CSPP1: variants seen among roughly 807,000 people sequenced by gnomAD.
CSPP1 encodes centrosome and spindle pole-associated protein 1.
A neutral mutation model predicts 164.4 loss-of-function variants in CSPP1; 126 were observed. The ratio of observed to expected loss-of-function variants is 0.77; its 90% confidence interval spans 0.66 to 0.89. The LOEUF (loss-of-function observed/expected upper bound fraction) is 0.89. Ranked by LOEUF, CSPP1 falls within the 40% of genes least tolerant of loss-of-function variation. CSPP1 has a pLI of 0.00. For missense variants in CSPP1, 1,395 were observed against 1,449.8 expected, an observed-to-expected ratio of 0.96 and a Z score of 0.61; for synonymous variants, 472 against 476.7, an observed-to-expected ratio of 0.99 and a Z score of 0.13.
At position 67,091,866 on chromosome 8, in the gene CSPP1, GA is replaced by G. The variant is rs1811679564; in HGVS notation, c.368del (p.Glu123GlyfsTer9). 3 of 1,344,764 alleles carry G rather than the reference GA, an allele frequency of 2.2e-6. No individual in the cohort carries two copies. Among genetic ancestry groups the G allele is most frequent in the East Asian group, 9.4e-5 (2 of 21,214 alleles). The allele number at this position is 1,344,764 out of a possible 1,614,324, so 83.3% of individuals were successfully genotyped here. A position where few individuals can be genotyped will look rare whatever the true frequency, so the allele number is the denominator to read the frequency against. On this transcript the variant is annotated frameshift_variant, in exon 5 of 31. Transcript: ENST00000678616. LOFTEE classifies it high-confidence loss of function. Reference sequence around the variant, plus strand: ...TTTGGGAGTTTCTCTTCCTATTGGTGAGAGGTTATCTGCTAAGGTAGGTGGA... The same window carrying G: ...TTTGGGAGTTTCTCTTCCTATTGGTGGAGGTTATCTGCTAAGGTAGGTGGA... Reference protein sequence around the residue: ...STLGVSLPIGERLSAKERLKL... With the variant: ...STLGVSLPIGXRLSAKERLKL...
intron 19 of CSPP1, among the ~76,000 whole-genome samples, chr8:67,155,789 G>A (rs1826556769): frequency 6.6e-6 from 1 of 152,130 alleles, no homozygotes; most frequent in Non-Finnish European, 1.5e-5. Context: ...AAGGATGATT[G>A]ATGTGACATC....
chr8:67,113,313 G>C (rs1817256915), intron 10 of CSPP1, among the ~76,000 whole-genome samples: 1 of 152,034 alleles, frequency 6.6e-6, no homozygotes, highest in African/African-American at 2.4e-5. Context: ...TTTGAGACCT[G>C]TTATCTCTTA....
chr8:67,160,767 A>G (rs562437572), intron 21 of CSPP1, among the ~76,000 whole-genome samples: 29 of 151,436 alleles, frequency 1.9e-4, no homozygotes, highest in Non-Finnish European at 4.1e-4. Context: ...GTTAGCTTCT[A>G]TCTTTAGTTT....
chr8:67,076,499 G>C lies in CSPP1; in HGVS notation c.117G>C (p.Lys39Asn). 6.3e-7 allele frequency: 1 copy of C among 1,587,742 alleles called. No homozygotes were observed. Among genetic ancestry groups the C allele is most frequent in the Non-Finnish European group, 8.5e-7 (1 of 1,170,068 alleles). The change falls in exon 3 of 31, where the codon AAG (lysine) becomes AAC (asparagine). Residue 39 changes from lysine to asparagine, a missense_variant. Coordinates refer to ENST00000678616, the MANE Select transcript of CSPP1 (RefSeq NM_001382391.1). ...YMEMKGKLSA[K>N]LSENSKILIS... ...TCTTTCAGGGAAAGTTGTCAGCGAA[G>C]CTTTCTGAAAACAGTAAGATACTGA...
intron 28 of CSPP1, among the ~76,000 whole-genome samples, chr8:67,184,444 CAG>C (rs1461085028): frequency 2.6e-5 from 4 of 152,078 alleles, no homozygotes; most frequent in Admixed American, 6.5e-5. Flanking sequence ...ATACCAGAAA[CAG>C]GGCATATCTA....
intron 14 of CSPP1, 23 bp downstream of exon 14, chr8:67,118,392 A>G (rs753453560): frequency 1.2e-5 from 19 of 1,611,938 alleles, no homozygotes; most frequent in Non-Finnish European, 1.6e-5. Context: ...TAGGGTAAGC[A>G]TTTTCTCCCC....
chr8:67,185,320 C>G (rs190785240), intron 28 of CSPP1, among the ~76,000 whole-genome samples: 1 of 152,064 alleles, frequency 6.6e-6, no homozygotes, highest in Non-Finnish European at 1.5e-5. Context: ...AACTAAAGGC[C>G]GACAAAGATT....
At chr8:67,104,151 A>G (rs1306155455) in intron 8 of CSPP1, among the ~76,000 whole-genome samples, 1 of 152,162 alleles carries the variant, frequency 6.6e-6, no homozygotes, top group Non-Finnish European at 1.5e-5. Context: ...TTTTTCTAAG[A>G]AAAGTAATAT....
intron 24 of CSPP1, among the ~76,000 whole-genome samples, chr8:67,171,663 T>G (rs1830489455): frequency 6.6e-6 from 1 of 150,994 alleles, no homozygotes; most frequent in Non-Finnish European, 1.5e-5. Flanking sequence ...TTCTCATGCC[T>G]CAGCCTCCCG....
intron 21 of CSPP1, among the ~76,000 whole-genome samples, chr8:67,159,955 TTC>T (rs1491413797): frequency 0.013 from 579 of 45,828 alleles, 32 homozygotes; most frequent in Middle Eastern, 0.042. Context: ...CCTTCCTTCC[TTC>T]TTTCTTTTCT....
rs78666696 is a variant in CSPP1, at chr8:67,065,092, G to A, written c.-11+554G>A. The A allele has an allele frequency of 3.9e-5, 6 of 154,134 alleles. No homozygotes were observed. In the East Asian group the frequency reaches 1.2e-3, roughly 30 times the overall value. 9.5% of individuals were successfully genotyped at this position (154,134 alleles called of 1,614,324 possible). On this transcript the variant is annotated intron_variant, in intron 1 of 30. Coordinates refer to ENST00000678616, the MANE Select transcript of CSPP1 (RefSeq NM_001382391.1). The stretch of plus-strand genomic sequence containing the variant: ...CCCCGAGCGCCTTTCTTGCCCCTCG[G>A]TGCTTGTTATTGTTAACGTGGGAGC...
At chr8:67,116,203 A>G (rs1817893722) in intron 13 of CSPP1, 81 bp downstream of exon 13, 1 of 980,350 alleles carries the variant, frequency 1.0e-6, no homozygotes, top group South Asian at 1.4e-5. Context: ...ACTGAAGCGG[A>G]TGACGTTATT....
At chr8:67,118,713 C>CTTTTTTTG (rs777492103) in intron 14 of CSPP1, 30 bp from the exon 15 acceptor site, 2 of 1,482,330 alleles carry the variant, frequency 1.3e-6, no homozygotes, top group Non-Finnish European at 9.3e-7. Flanking sequence ...TCTAAATAAA[C>CTTTTTTTG]TTTTTTTGTT....
intron 3 of CSPP1, among the ~76,000 whole-genome samples, chr8:67,083,531 C>CA (rs1171275894): frequency 0.067 from 4,814 of 71,670 alleles, 275 homozygotes; most frequent in East Asian, 0.085. Flanking sequence ...GACTTTGTCT[C>CA]AAAAAAAAAA....
chr8:67,176,269 G>A (rs1254800095), intron 26 of CSPP1, among the ~76,000 whole-genome samples: 1 of 152,126 alleles, frequency 6.6e-6, no homozygotes, highest in East Asian at 1.9e-4. Context: ...AAGAGTGGAA[G>A]GGATGCTCCT....
At chr8:67,082,839 A>G (rs1157259704) in intron 3 of CSPP1, among the ~76,000 whole-genome samples, 3 of 152,224 alleles carry the variant, frequency 2.0e-5, no homozygotes, top group African/African-American at 7.2e-5. Context: ...ATGAAGTGAC[A>G]TCACTTCAAA....
intron 9 of CSPP1, among the ~76,000 whole-genome samples, chr8:67,106,271 A>G (rs961768127): frequency 1.3e-5 from 2 of 151,934 alleles, no homozygotes; most frequent in African/African-American, 4.8e-5. Context: ...GTAGGTGATA[A>G]TGAAATTATT....
chr8:67,150,002 G>A, intron 18 of CSPP1, 67 bp downstream of exon 18: 1 of 1,278,710 alleles, frequency 7.8e-7, no homozygotes, highest in Non-Finnish European at 9.9e-7. Context: ...TAACATTTCT[G>A]TTCTGTGACT....
intron 17 of CSPP1, among the ~76,000 whole-genome samples, chr8:67,139,646 T>C (rs1586444857): frequency 6.6e-6 from 1 of 152,128 alleles, no homozygotes; most frequent in South Asian, 2.1e-4. Flanking sequence ...ATATACACCA[T>C]GGAATACTAT....
Sources: gnomAD v4.1 joint callset for allele counts (sites outside exome capture counted in the v4.1 genomes callset) on GRCh38, gnomAD v4.1.1 for gene constraint, MANE v1.5 for transcripts, NCBI Gene and HGNC (gene_info 2026-07-23, HGNC 2026-07-21) for gene names.